The following TIMM23B variants were observed in gnomAD, a reference collection of about 807,000 sequenced individuals.
TIMM23B encodes mitochondrial import inner membrane translocase subunit Tim23B.
Under a neutral mutation model 27.3 loss-of-function variants are expected in TIMM23B, and 27 were observed. The observed-to-expected ratio is 0.99, with a 90% CI of 0.73 to 1.36. The LOEUF (loss-of-function observed/expected upper bound fraction) is 1.36. TIMM23B is among the 40% of genes most tolerant of loss of function. TIMM23B has a pLI of 0.00. For missense variants in TIMM23B, 205 were observed against 244.2 expected, an observed-to-expected ratio of 0.84 and a Z score of 1.07; for synonymous variants, 73 against 92.4, an observed-to-expected ratio of 0.79 and a Z score of 1.21.
At chr10:49,955,291 T>G (rs1487040547) in intron 5 of TIMM23B, among the ~76,000 whole-genome samples, 7 of 152,314 alleles carry the variant, frequency 4.6e-5, no homozygotes, top group Admixed American at 2.0e-4. Flanking sequence ...TTTTAAAATA[T>G]TTTGGACACT....
intron 4 of TIMM23B, among the ~76,000 whole-genome samples, chr10:49,953,527 G>A (rs1278222276): frequency 6.6e-6 from 1 of 152,022 alleles, no homozygotes; most frequent in Non-Finnish European, 1.5e-5. Context: ...TTAATTTTTT[G>A]TAGAGACGGG....
intron 2 of TIMM23B, among the ~76,000 whole-genome samples, chr10:49,948,850 T>C (rs1327164270): frequency 6.6e-6 from 1 of 152,228 alleles, no homozygotes; most frequent in Non-Finnish European, 1.5e-5. Flanking sequence ...GTAAATTGTA[T>C]GGTACATGAG....
At chr10:49,949,176 G>C (rs1839443143) in intron 2 of TIMM23B, among the ~76,000 whole-genome samples, 1 of 144,898 alleles carries the variant, frequency 6.9e-6, no homozygotes, top group Non-Finnish European at 1.5e-5. Context: ...GGAATTACAG[G>C]CATGAGCCAC....
intron 2 of TIMM23B, among the ~76,000 whole-genome samples, chr10:49,948,535 A>C (rs1409178135): frequency 3.3e-5 from 5 of 152,244 alleles, no homozygotes; most frequent in Non-Finnish European, 5.9e-5. Flanking sequence ...TTATTTGGTA[A>C]TAAAAAAAGA....
rs569116073 is a variant in TIMM23B at position 49,965,879 on chromosome 10, C to T, written c.515-7133C>T. Among the ~76,000 whole-genome samples, 122 of 133,828 alleles carry T rather than the reference C, an allele frequency of 9.1e-4. 2 individuals carry two copies. Among genetic ancestry groups the T allele is most frequent in the Middle Eastern group, 5.6e-3 (1 of 180 alleles). The allele number at this position is 133,828 out of a possible 152,430, so 87.8% of individuals were successfully genotyped here. A position where few individuals can be genotyped will look rare whatever the true frequency, so the allele number is the denominator to read the frequency against. On this transcript the variant is annotated intron_variant, in intron 6 of 6. Coordinates refer to ENST00000651259, the MANE Select transcript of TIMM23B (RefSeq NM_001290117.2). ...AAATGGAATAATGAAATGCTGGGTG[C>T]GGTGGCGCACTCCAGCCTGGGCAAT...
chr10:49,942,253 G>T lies in TIMM23B; in HGVS notation c.59G>T (p.Gly20Val). Residue 20 changes from glycine to valine, a missense_variant, in exon 1 of 7, where the codon GGA becomes GTA. Physicochemically the swap from Gly to Val is moderately radical, Grantham distance 109 (BLOSUM62 -3). Transcript: ENST00000651259. ...KTTGVLAGFF[G>V]AGEAGYSHAD... is the part of the protein sequence containing the mutation. ...ACAGGGGTATTGGCCGGCTTTTTCG[G>T]AGCCGGCGAAGCAGGTTACTCGCAC... 2 of 1,612,804 alleles carry T rather than the reference G, an allele frequency of 1.2e-6. No individual in the cohort carries two copies. Among genetic ancestry groups the T allele is most frequent in the Non-Finnish European group, 1.7e-6 (2 of 1,179,370 alleles).
intron 6 of TIMM23B, among the ~76,000 whole-genome samples, chr10:49,972,044 G>T (rs1840474401): frequency 6.6e-6 from 1 of 152,104 alleles, no homozygotes. Context: ...TAAACATTTG[G>T]TTTTTATATT....
intron 5 of TIMM23B, among the ~76,000 whole-genome samples, chr10:49,955,611 T>C (rs1839690383): frequency 6.6e-6 from 1 of 152,240 alleles, no homozygotes; most frequent in Non-Finnish European, 1.5e-5. Flanking sequence ...CATACCATAT[T>C]GTTTATGAAT....
chr10:49,970,506 C>T, intron 6 of TIMM23B: 1 of 159,570 alleles, frequency 6.3e-6, no homozygotes, highest in Non-Finnish European at 1.3e-5. Context: ...GTGAGGAGCC[C>T]CTCCGCCTGG....
At chr10:49,955,460 C>T (rs1296093667) in intron 5 of TIMM23B, among the ~76,000 whole-genome samples, 2 of 152,174 alleles carry the variant, frequency 1.3e-5, no homozygotes, top group African/African-American at 4.8e-5. Flanking sequence ...TTCTTAATAG[C>T]GTGTTCATTA....
intron 2 of TIMM23B, among the ~76,000 whole-genome samples, chr10:49,948,446 C>T (rs1839421023): frequency 1.3e-5 from 2 of 151,618 alleles, no homozygotes; most frequent in African/African-American, 4.9e-5. Context: ...TTCATAATAA[C>T]CAAAAAATGG....
intron 6 of TIMM23B, among the ~76,000 whole-genome samples, chr10:49,964,754 AAATGAAATAATGAAT>A (rs1425918691): frequency 2.6e-5 from 4 of 151,876 alleles, no homozygotes; most frequent in Non-Finnish European, 4.4e-5. Flanking sequence ...TGAAATGAAG[AAATGAAATAATGAAT>A]AATGAAATGC....
At chr10:49,962,306 G>A (rs1340229324) in intron 6 of TIMM23B, among the ~76,000 whole-genome samples, 4 of 151,480 alleles carry the variant, frequency 2.6e-5, no homozygotes, top group Non-Finnish European at 5.9e-5. Context: ...GGGTTCAAGC[G>A]ATTCTCCTGC....
chr10:49,963,679 C>T (rs1271984584), intron 6 of TIMM23B, among the ~76,000 whole-genome samples: 5 of 150,870 alleles, frequency 3.3e-5, no homozygotes, highest in African/African-American at 7.3e-5. Context: ...AAATGAAATA[C>T]GAAATACTGG....
chr10:49,956,794 A>G (rs1430399290), intron 5 of TIMM23B, among the ~76,000 whole-genome samples: 1 of 147,924 alleles, frequency 6.8e-6, no homozygotes, highest in Non-Finnish European at 1.5e-5. Context: ...GTTTGCTATT[A>G]GAAACTGTTC....
In TIMM23B at chr10:49,954,453, C is replaced by T. The variant is rs1473147678; in HGVS notation, c.345-549C>T. 309 of 205,332 alleles carry T rather than the reference C, an allele frequency of 1.5e-3. 3 individuals are homozygous for T. The highest frequency in any genetic ancestry group is 6.9e-3 in the African/African-American group (298 of 43,042). The allele number at this position is 205,332 out of a possible 1,614,324, so 12.7% of individuals were successfully genotyped here. On this transcript the variant is annotated intron_variant, in intron 4 of 6. Transcript: ENST00000651259. Reference sequence around the variant, plus strand: ...ATGTATTCTAGTTAGATGGCTGATTCCTTCTCTTTAATTCTACTTTATATT... The same window carrying T: ...ATGTATTCTAGTTAGATGGCTGATTTCTTCTCTTTAATTCTACTTTATATT...
Position 49,973,557 on chromosome 10 carries a change from G to C in TIMM23B, c.*493G>C, listed in dbSNP as rs1840541000. ...CTGGGCATGGTGGCTCATTCCTATA[G>C]TTCAGGCTACTGAGGAGCCTGATGT... On this transcript the variant is annotated 3_prime_UTR_variant, in exon 7 of 7. Transcript: ENST00000651259. The C allele has an allele frequency of 1.3e-5, 2 of 155,506 alleles. No individual in the cohort carries two copies. Among genetic ancestry groups the C allele is most frequent in the African/African-American group, 4.9e-5 (2 of 41,096 alleles). 9.6% of individuals were successfully genotyped at this position (155,506 alleles called of 1,614,324 possible).
At chr10:49,946,391 C>G (rs1295819284) in intron 2 of TIMM23B, among the ~76,000 whole-genome samples, 12 of 152,154 alleles carry the variant, frequency 7.9e-5, no homozygotes, top group African/African-American at 1.2e-4. Flanking sequence ...AAATGGCATT[C>G]AAGTTGAAAA....
At chr10:49,968,699 G>A (rs1840279651) in intron 6 of TIMM23B, among the ~76,000 whole-genome samples, 1 of 152,078 alleles carries the variant, frequency 6.6e-6, no homozygotes, top group African/African-American at 2.4e-5. Flanking sequence ...TCCGGGCATG[G>A]TGGTGGGTGC....
Sources: gnomAD v4.1 joint callset for allele counts (sites outside exome capture counted in the v4.1 genomes callset) on GRCh38, gnomAD v4.1.1 for gene constraint, MANE v1.5 for transcripts, NCBI Gene and HGNC (gene_info 2026-07-23, HGNC 2026-07-21) for gene names.